Variants in MGAT5 observed in about 807,000 individuals in gnomAD.
MGAT5 encodes alpha-1,6-mannosylglycoprotein 6-beta-N-acetylglucosaminyltransferase A.
MGAT5 carries 30 observed loss-of-function variants against 94.3 expected under a neutral mutation model. That is an observed-to-expected ratio of 0.32 (90% CI 0.24 to 0.43). MGAT5 has a LOEUF of 0.43. Among genes scored for constraint, MGAT5 ranks in the 20% least tolerant of loss-of-function variants. MGAT5 has a pLI of 1.00. For synonymous variants in MGAT5, 310 were observed against 322.9 expected (o/e 0.96, Z 0.43); for missense variants, 691 against 905.5 (o/e 0.76, Z 3.04).
chr2:134,332,912 A>G (rs944604232), intron 4 of MGAT5, among the ~76,000 whole-genome samples: 12 of 152,098 alleles, frequency 7.9e-5, no homozygotes, highest in Admixed American at 1.3e-4. Context: ...TTAGAATGGC[A>G]ATCATTAAAA....
intron 2 of MGAT5, among the ~76,000 whole-genome samples, chr2:134,313,367 G>A (rs1229159713): frequency 6.6e-6 from 1 of 152,006 alleles, no homozygotes; most frequent in East Asian, 1.9e-4. Flanking sequence ...ACCCATATTC[G>A]AACACCCACT....
chr2:134,251,443 C>T (rs567889896), upstream of MGAT5, among the ~76,000 whole-genome samples: 11 of 152,098 alleles, frequency 7.2e-5, no homozygotes, highest in African/African-American at 1.7e-4. Flanking sequence ...GTGCCCTAGG[C>T]GACATATTCA....
At chr2:134,213,329 G>GC (rs1359223367) in intron 1 of MGAT5, among the ~76,000 whole-genome samples, 1 of 84,114 alleles carries the variant, frequency 1.2e-5, no homozygotes, top group Non-Finnish European at 2.8e-5. Flanking sequence ...GAGCCCCCCC[G>GC]CCCCCCACTG....
intron 8 of MGAT5, among the ~76,000 whole-genome samples, chr2:134,349,342 T>C (rs1679212555): frequency 6.6e-6 from 1 of 152,170 alleles, no homozygotes; most frequent in Admixed American, 6.6e-5. Flanking sequence ...CTCCAATTGA[T>C]GAAAATGTTG....
At chr2:134,168,805 G>A (rs1688068730) in intron 1 of MGAT5, among the ~76,000 whole-genome samples, 1 of 152,220 alleles carries the variant, frequency 6.6e-6, no homozygotes, top group Non-Finnish European at 1.5e-5. Flanking sequence ...TGTCTTAGAT[G>A]TGGAAAAAGA....
At chr2:134,414,080 A>G (rs1018693703) in intron 12 of MGAT5, among the ~76,000 whole-genome samples, 8 of 152,010 alleles carry the variant, frequency 5.3e-5, no homozygotes, top group African/African-American at 1.9e-4. Context: ...AATAAGATCT[A>G]TGTTTATCTA....
intron 1 of MGAT5, among the ~76,000 whole-genome samples, chr2:134,123,088 C>T (rs914437541): frequency 1.3e-5 from 2 of 152,166 alleles, no homozygotes; most frequent in Non-Finnish European, 2.9e-5. Context: ...CTGGAAGGGA[C>T]CTCAAGAGAT....
chr2:134,254,775 C>T, intron 1 of MGAT5, 131 bp downstream of exon 1: 1 of 1,250,444 alleles, frequency 8.0e-7, no homozygotes, highest in Non-Finnish European at 1.1e-6. Context: ...GTGAATTGCA[C>T]ACAGAGAGGC....
chr2:134,352,567 A>G (rs946570615), intron 9 of MGAT5, among the ~76,000 whole-genome samples: 3 of 152,208 alleles, frequency 2.0e-5, no homozygotes, highest in African/African-American at 7.2e-5. Context: ...TAAATAAACT[A>G]ATAAAAATGA....
intron 14 of MGAT5, among the ~76,000 whole-genome samples, chr2:134,431,870 C>T (rs1468055121): frequency 6.6e-6 from 1 of 152,170 alleles, no homozygotes. Context: ...CACCTCATAC[C>T]CAGTCCTCCC....
In MGAT5 at chr2:134,154,421, G is replaced by A. The variant is rs146557177; in HGVS notation, c.-143+34130G>A. On this transcript the variant is annotated intron_variant, in intron 1 of 16. Coordinates refer to the MGAT5 transcript ENST00000409645. The stretch of plus-strand genomic sequence containing the variant: ...ATCCTGCCAGGCCTATCCATGCTGT[G>A]TTCAGACATGCAGGTCAGAGGGCAC... 2.9e-3 allele frequency among the ~76,000 whole-genome samples: 444 copies of A among 152,334 alleles called. 2 individuals are homozygous for A. Among genetic ancestry groups the A allele is most frequent in the East Asian group, 0.014 (75 of 5,192 alleles).
intron 1 of MGAT5, among the ~76,000 whole-genome samples, chr2:134,233,303 G>A (rs1226875736): frequency 6.6e-6 from 1 of 152,190 alleles, no homozygotes; most frequent in East Asian, 1.9e-4. Context: ...GGGTCATAAT[G>A]AATTCAGTGG....
intron 1 of MGAT5, among the ~76,000 whole-genome samples, chr2:134,195,694 G>A (rs913876605): frequency 6.6e-6 from 1 of 152,178 alleles, no homozygotes; most frequent in East Asian, 1.9e-4. Context: ...AGTTCACCTA[G>A]CGCCTTTTTA....
rs897438217 is a variant in MGAT5, at chr2:134,294,778, C to T, written c.407-22751C>T. Among the ~76,000 whole-genome samples, 13 of 152,324 alleles carry T rather than the reference C, an allele frequency of 8.5e-5. No homozygotes were observed. In the East Asian group the frequency reaches 2.5e-3, roughly 29 times the overall value. ...ATACTGGTCCAAGCAAGCATTAGGT[C>T]ATAGTCTGTTCCTCTTCCTTATTTA... is the stretch of plus-strand genomic sequence containing the variant. On this transcript the variant is annotated intron_variant, in intron 2 of 15. Transcript: ENST00000281923.
intron 2 of MGAT5, among the ~76,000 whole-genome samples, chr2:134,279,274 G>A (rs1466558703): frequency 6.6e-6 from 1 of 152,076 alleles, no homozygotes; most frequent in African/African-American, 2.4e-5. Flanking sequence ...GAAGCACCTG[G>A]AAAGTTTACT....
Position 134,372,688 on chromosome 2 carries a change from G to C in MGAT5, c.1380+10280G>C, listed in dbSNP as rs185048679. ...CTTAGGCCTTTGTCGAAGGTGGTTA[G>C]GGAGGTGTTCCAGAAGCCTGGGAAT... On this transcript the variant is annotated intron_variant, in intron 10 of 15. Transcript: ENST00000281923. 3.9e-5 allele frequency among the ~76,000 whole-genome samples: 6 copies of C among 152,362 alleles called. No individual in the cohort carries two copies. The East Asian group carries it at 1.2e-3, about 29-fold the overall frequency.
At chr2:134,165,460 C>T (rs12473666) in intron 1 of MGAT5, among the ~76,000 whole-genome samples, 25,879 of 152,046 alleles carry the variant, frequency 0.17, 2,390 homozygotes, top group South Asian at 0.23. Context: ...ATGGCATGCT[C>T]ATAGCATTCA....
intron 4 of MGAT5, among the ~76,000 whole-genome samples, chr2:134,325,321 C>T (rs77204356): frequency 0.029 from 4,339 of 152,106 alleles, 211 homozygotes; most frequent in African/African-American, 0.098. Context: ...ATTTAAATAT[C>T]GTCTCATGTA....
intron 14 of MGAT5, 95 bp from the exon 15 acceptor site, chr2:134,441,663 C>T: frequency 7.0e-7 from 1 of 1,422,476 alleles, no homozygotes; most frequent in East Asian, 2.3e-5. Context: ...TGTGCTCTCC[C>T]AGTGTGCCGC....
Sources: allele counts gnomAD v4.1 joint callset (sites outside exome capture counted in the v4.1 genomes callset), GRCh38; gene constraint gnomAD v4.1.1; transcripts MANE v1.5; gene names NCBI Gene and HGNC (gene_info 2026-07-23, HGNC 2026-07-21).